Variants in MSRA observed in about 807,000 individuals in gnomAD.
MSRA encodes methionine sulfoxide reductase A.
Under a neutral mutation model 31.3 loss-of-function variants are expected in MSRA, and 54 were observed. The observed-to-expected ratio is 1.73, with a 90% CI of 1.39 to 2.17. The LOEUF is 2.17. MSRA is among the 30% of genes most tolerant of loss of function. The pLI, the probability that MSRA is intolerant of heterozygous loss-of-function variation, is 0.00. For synonymous variants in MSRA, 169 were observed against 116.5 expected, an observed-to-expected ratio of 1.45 and a Z score of -2.90; for missense variants, 507 against 300.9, an observed-to-expected ratio of 1.69 and a Z score of -5.07.
intron 5 of MSRA, among the ~76,000 whole-genome samples, chr8:10,408,547 A>G (rs561164248): frequency 3.9e-5 from 6 of 152,304 alleles, no homozygotes; most frequent in African/African-American, 9.6e-5. Flanking sequence ...TTCTAAATAA[A>G]TAAGTAATAG....
intron 1 of MSRA, among the ~76,000 whole-genome samples, chr8:10,085,444 C>T (rs1435736335): frequency 1.3e-5 from 2 of 152,186 alleles, no homozygotes; most frequent in African/African-American, 4.8e-5. Context: ...TAATAACTTC[C>T]ATGGATCTGT....
intron 1 of MSRA, among the ~76,000 whole-genome samples, chr8:10,105,672 G>A (rs1799831328): frequency 6.6e-6 from 1 of 152,100 alleles, no homozygotes; most frequent in South Asian, 2.1e-4. Context: ...GGTGCAATAA[G>A]CACTTTCTCC....
intron 5 of MSRA, chr8:10,411,472 A>G (rs1030907857): frequency 2.0e-5 from 3 of 150,278 alleles, no homozygotes; most frequent in African/African-American, 4.9e-5. Flanking sequence ...TTTTAGTCTT[A>G]TTTTTAGTTT....
In MSRA at chr8:10,251,539, G is replaced by A. The variant is rs549199915; in HGVS notation, c.331+6316G>A. ...GCTTTTTATTCCTCTTATTTTAGGC[G>A]TAAAATTGGACCTTAAACTTGTAGC... On this transcript the variant is annotated intron_variant, in intron 3 of 5. Coordinates refer to ENST00000317173, the MANE Select transcript of MSRA (RefSeq NM_012331.5). Among the ~76,000 whole-genome samples, 30 of 152,156 alleles carry A rather than the reference G, an allele frequency of 2.0e-4. No individual in the cohort carries two copies. In the South Asian group the frequency reaches 3.9e-3, roughly 20 times the overall value.
At chr8:10,183,303 C>T (rs1806709503) in intron 1 of MSRA, among the ~76,000 whole-genome samples, 1 of 152,284 alleles carries the variant, frequency 6.6e-6, no homozygotes, top group South Asian at 2.1e-4. Flanking sequence ...GTGTGAGAAC[C>T]AACCGAAGAC....
intron 1 of MSRA, among the ~76,000 whole-genome samples, chr8:10,062,582 A>G (rs767542): frequency 0.08 from 12,225 of 152,272 alleles, 642 homozygotes; most frequent in South Asian, 0.11. Flanking sequence ...TCTGAGCAGT[A>G]TCATGCCAAC....
At chr8:10,408,464 C>T (rs1304294290) in intron 5 of MSRA, among the ~76,000 whole-genome samples, 1 of 152,084 alleles carries the variant, frequency 6.6e-6, no homozygotes, top group Non-Finnish European at 1.5e-5. Context: ...ATCGCTGGAA[C>T]CCAGAATCAA....
chr8:10,361,927 C>G (rs933329236), intron 5 of MSRA, among the ~76,000 whole-genome samples: 6 of 152,184 alleles, frequency 3.9e-5, no homozygotes, highest in African/African-American at 1.4e-4. Context: ...TCTTCCCCCT[C>G]ATTTCCTGGA....
At chr8:10,213,428 CTTTCTTTTTTTTTTTT>C (rs1248603473) in intron 2 of MSRA, among the ~76,000 whole-genome samples, 1 of 120,668 alleles carries the variant, frequency 8.3e-6, no homozygotes, top group Non-Finnish European at 1.7e-5. Context: ...ATGTACCACA[CTTTCTTTTTTTTTTTT>C]TTTTTTTTTT....
In MSRA at chr8:10,110,091, C is replaced by G. The variant is rs143036022; in HGVS notation, c.142+55433C>G. ...TTGCAGCCACAGTTCATGCCCCACACAGACATTCACTGAGCCTCTGCCCAG... is the reference window on the plus strand; with the variant it reads ...TTGCAGCCACAGTTCATGCCCCACAGAGACATTCACTGAGCCTCTGCCCAG... On this transcript the variant is annotated intron_variant, in intron 1 of 5. Coordinates refer to ENST00000317173, the MANE Select transcript of MSRA (RefSeq NM_012331.5). Among the ~76,000 whole-genome samples, 5 of 152,310 alleles carry G rather than the reference C, an allele frequency of 3.3e-5. No individual in the cohort carries two copies. In the East Asian group the frequency reaches 9.6e-4, roughly 29 times the overall value.
chr8:10,372,018 C>T (rs998503110), intron 5 of MSRA, among the ~76,000 whole-genome samples: 5 of 152,184 alleles, frequency 3.3e-5, no homozygotes, highest in East Asian at 1.9e-4. Flanking sequence ...CCAGGCAGAA[C>T]GAGCTTGTTG....
At chr8:10,420,637 TG>T (rs1409414863) in intron 5 of MSRA, among the ~76,000 whole-genome samples, 1 of 152,114 alleles carries the variant, frequency 6.6e-6, no homozygotes, top group African/African-American at 2.4e-5. Flanking sequence ...CCAGGTTCAG[TG>T]GTAGCACAGG....
chr8:10,256,503 G>T (rs1798187856), intron 3 of MSRA, among the ~76,000 whole-genome samples: 1 of 152,184 alleles, frequency 6.6e-6, no homozygotes, highest in Non-Finnish European at 1.5e-5. Flanking sequence ...CTGGAGGCCT[G>T]GGTTGAAATG....
chr8:10,342,144 C>G (rs1585528146), intron 5 of MSRA, among the ~76,000 whole-genome samples: 4 of 152,200 alleles, frequency 2.6e-5, no homozygotes, highest in East Asian at 1.9e-4. Flanking sequence ...TTCTTAAGTT[C>G]TGTTCTTCAG....
intron 2 of MSRA, among the ~76,000 whole-genome samples, chr8:10,225,546 A>C (rs1810924277): frequency 6.6e-6 from 1 of 152,242 alleles, no homozygotes; most frequent in African/African-American, 2.4e-5. Flanking sequence ...ATTTGCCCAG[A>C]GTTGCGGAAG....
chr8:10,342,238 G>A (rs1001736385), intron 5 of MSRA, among the ~76,000 whole-genome samples: 3 of 152,000 alleles, frequency 2.0e-5, no homozygotes, highest in Admixed American at 6.6e-5. Flanking sequence ...TTTTGACCTC[G>A]GGACCTCTTT....
intron 2 of MSRA, among the ~76,000 whole-genome samples, chr8:10,230,597 ACTAT>A (rs1194178988): frequency 2.0e-5 from 3 of 152,216 alleles, no homozygotes; most frequent in Non-Finnish European, 4.4e-5. Flanking sequence ...TTTCTTCCAG[ACTAT>A]CTGTCAGTCT....
At chr8:10,102,962 A>G (rs1051812055) in intron 1 of MSRA, among the ~76,000 whole-genome samples, 3 of 152,188 alleles carry the variant, frequency 2.0e-5, no homozygotes, top group African/African-American at 7.2e-5. Context: ...CTTGTGTTTG[A>G]TAACTTGTTT....
At chr8:10,390,485 G>A (rs1483628853) in intron 5 of MSRA, among the ~76,000 whole-genome samples, 2 of 152,082 alleles carry the variant, frequency 1.3e-5, no homozygotes, top group Non-Finnish European at 2.9e-5. Context: ...CCGTGTCCCC[G>A]CCCACCACGG....
Sources: gnomAD v4.1 joint callset for allele counts (sites outside exome capture counted in the v4.1 genomes callset) on GRCh38, gnomAD v4.1.1 for gene constraint, MANE v1.5 for transcripts, NCBI Gene and HGNC (gene_info 2026-07-23, HGNC 2026-07-21) for gene names.